The following TRAM2 variants were observed in gnomAD, a reference collection of about 807,000 sequenced individuals.
The protein encoded by TRAM2 is translocation associated membrane protein 2.
In TRAM2, 12 loss-of-function variants were observed where a neutral mutation model predicts 51.0. That is an observed-to-expected ratio of 0.24 (90% CI 0.15 to 0.38). The LOEUF is 0.38. Ranked by LOEUF, TRAM2 falls within the 10% of genes least tolerant of loss-of-function variation. The pLI, the probability that TRAM2 is intolerant of heterozygous loss-of-function variation, is 1.00. For missense variants in TRAM2, 361 were observed against 462.0 expected, an observed-to-expected ratio of 0.78 and a Z score of 2.00; for synonymous variants, 175 against 179.4, an observed-to-expected ratio of 0.98 and a Z score of 0.20.
chr6:52,560,269 G>T (rs934527712), intron 1 of TRAM2, among the ~76,000 whole-genome samples: 1 of 151,832 alleles, frequency 6.6e-6, no homozygotes, highest in African/African-American at 2.4e-5. Flanking sequence ...AAAAGAGAGA[G>T]AGAGAAACAT....
chr6:52,545,261 GC>G (rs1767178522), intron 1 of TRAM2, among the ~76,000 whole-genome samples: 1 of 152,170 alleles, frequency 6.6e-6, no homozygotes, highest in Non-Finnish European at 1.5e-5. Flanking sequence ...GACACCCTCG[GC>G]CATGGCTCAA....
intron 2 of TRAM2, among the ~76,000 whole-genome samples, chr6:52,521,736 CAAAATAAAAT>C (rs150742580): frequency 2.0e-5 from 3 of 150,920 alleles, no homozygotes; most frequent in African/African-American, 4.9e-5. Context: ...TAAAACAAAA[CAAAATAAAAT>C]AAAATAAAAT....
chr6:52,516,213 T>TGAACA lies in TRAM2; in HGVS notation c.295-96_295-92dup. 5.8e-6 allele frequency: 7 copies of TGAACA among 1,197,120 alleles called. No individual in the cohort carries two copies. In the South Asian group the frequency reaches 9.2e-5, roughly 16 times the overall value. The allele number at this position is 1,197,120 out of a possible 1,614,324, so 74.2% of individuals were successfully genotyped here. ...TCTTGTATTCTCCCCACAGAAGGGT[T>TGAACA]GAACATCGTTAGAAGTTTGCAGCTG... On this transcript the variant is annotated intron_variant, in intron 3 of 10. Coordinates refer to ENST00000182527, the MANE Select transcript of TRAM2 (RefSeq NM_012288.4).
intron 4 of TRAM2, 142 bp from the exon 5 acceptor site, chr6:52,509,728 C>G: frequency 1.4e-6 from 1 of 730,290 alleles, no homozygotes; most frequent in Non-Finnish European, 2.3e-6. Context: ...AAACAGAGAA[C>G]TTCTCTGTGT....
intron 1 of TRAM2, among the ~76,000 whole-genome samples, chr6:52,542,693 T>C (rs1473171781): frequency 2.6e-5 from 4 of 152,318 alleles, no homozygotes; most frequent in South Asian, 2.1e-4. Flanking sequence ...ACAGTTTTGA[T>C]AGCAGTTTTA....
intron 1 of TRAM2, among the ~76,000 whole-genome samples, chr6:52,536,492 T>G (rs936113581): frequency 2.6e-5 from 4 of 152,232 alleles, no homozygotes; most frequent in African/African-American, 9.6e-5. Flanking sequence ...AAATCAGTAC[T>G]GTGACAGTTT....
intron 2 of TRAM2, among the ~76,000 whole-genome samples, chr6:52,533,871 T>G (rs1480081134): frequency 6.6e-6 from 1 of 150,946 alleles, no homozygotes; most frequent in Non-Finnish European, 1.5e-5. Context: ...GCGGGTAGAT[T>G]ACCTGAGGTC....
chr6:52,547,789 C>A (rs1364705302), intron 1 of TRAM2, among the ~76,000 whole-genome samples: 4 of 152,240 alleles, frequency 2.6e-5, no homozygotes, highest in Non-Finnish European at 4.4e-5. Context: ...AGCCTGTCAG[C>A]CTTTATTGCG....
At chr6:52,564,662 C>T (rs545310910) in intron 1 of TRAM2, among the ~76,000 whole-genome samples, 3 of 152,210 alleles carry the variant, frequency 2.0e-5, no homozygotes, top group African/African-American at 7.2e-5. Context: ...GCAGTGACAC[C>T]ACCACTCCCT....
At chr6:52,522,777 G>GTTTTGATTATT in intron 2 of TRAM2, 1 of 602,822 alleles carries the variant, frequency 1.7e-6, no homozygotes, top group Non-Finnish European at 2.9e-6. Flanking sequence ...AATCTTGGCT[G>GTTTTGATTATT]TTTTGACAAC....
intron 1 of TRAM2, among the ~76,000 whole-genome samples, chr6:52,542,626 G>A (rs1437590954): frequency 1.3e-5 from 2 of 152,048 alleles, no homozygotes; most frequent in African/African-American, 4.8e-5. Context: ...AAACAAACAC[G>A]CACACAACAG....
intron 2 of TRAM2, among the ~76,000 whole-genome samples, chr6:52,521,197 A>C (rs1162835367): frequency 6.6e-6 from 1 of 150,938 alleles, no homozygotes; most frequent in Non-Finnish European, 1.5e-5. Flanking sequence ...GGTGTGAGCC[A>C]CTGCACCCAG....
chr6:52,568,329 G>A (rs528467560), intron 1 of TRAM2, among the ~76,000 whole-genome samples: 2 of 152,258 alleles, frequency 1.3e-5, no homozygotes, highest in South Asian at 4.1e-4. Context: ...TCCTCCTCCA[G>A]TCACAAAATC....
rs1766342242 is a variant in TRAM2, at chr6:52,506,025, C to T, written c.731+7G>A. On this transcript the variant is annotated splice_region_variant and intron_variant, in intron 8 of 10. Transcript: ENST00000182527. ...TAAGCGGGCCAGCCTGCAGCAGACC[C>T]ACTTACAGTTTCTCGTTGTTTTCAT... 6.2e-7 allele frequency: 1 copy of T among 1,613,864 alleles called. No homozygotes were observed. Among genetic ancestry groups the T allele is most frequent in the Admixed American group, 1.7e-5 (1 of 60,006 alleles).
chr6:52,527,146 G>A (rs958877026), intron 2 of TRAM2, among the ~76,000 whole-genome samples: 3 of 152,082 alleles, frequency 2.0e-5, no homozygotes, highest in South Asian at 2.1e-4. Context: ...TTGAGAGGCC[G>A]AGGTGGCGGA....
rs1766106083 is a variant in TRAM2, at chr6:52,497,530, G to T, written c.*5667C>A. On this transcript the variant is annotated 3_prime_UTR_variant, in exon 11 of 11. Coordinates refer to ENST00000182527, the MANE Select transcript of TRAM2 (RefSeq NM_012288.4). ...AACCAGACAGAAACAGTGGAAAAAT[G>T]ATTTTGAAAAAAAGTTCACCAAAAG... 6.6e-6 allele frequency: 1 copy of T among 152,484 alleles called. No homozygotes were observed. Among genetic ancestry groups the T allele is most frequent in the Non-Finnish European group, 1.5e-5 (1 of 68,012 alleles). 9.4% of individuals were successfully genotyped at this position (152,484 alleles called of 1,614,324 possible). A position where few individuals can be genotyped will look rare whatever the true frequency, so the allele number is the denominator to read the frequency against.
chr6:52,564,530 C>A (rs973219795), intron 1 of TRAM2, among the ~76,000 whole-genome samples: 2 of 152,196 alleles, frequency 1.3e-5, no homozygotes, highest in South Asian at 4.2e-4. Context: ...CTGCCCCATG[C>A]CCCTTGAGCC....
intron 1 of TRAM2, among the ~76,000 whole-genome samples, chr6:52,549,330 A>C (rs1435566387): frequency 7.5e-5 from 11 of 147,152 alleles, no homozygotes; most frequent in African/African-American, 2.6e-4. Context: ...TGAGTTCATC[A>C]GTGGGGATAC....
chr6:52,569,099 A>T (rs1767634837), intron 1 of TRAM2, among the ~76,000 whole-genome samples: 1 of 152,224 alleles, frequency 6.6e-6, no homozygotes, highest in South Asian at 2.1e-4. Flanking sequence ...CAGAACTATG[A>T]GAAATAAATG....
Sources: allele counts gnomAD v4.1 joint callset (sites outside exome capture counted in the v4.1 genomes callset), GRCh38; gene constraint gnomAD v4.1.1; transcripts MANE v1.5; gene names NCBI Gene and HGNC (gene_info 2026-07-23, HGNC 2026-07-21).